Variants in RASAL2 observed in about 807,000 individuals in gnomAD.
The protein encoded by RASAL2 is RAS protein activator like 2.
Under a neutral mutation model 128.9 loss-of-function variants are expected in RASAL2, and 58 were observed. That is an observed-to-expected ratio of 0.45 (90% CI 0.36 to 0.56). RASAL2 has a LOEUF of 0.56. Among genes scored for constraint, RASAL2 ranks in the 20% least tolerant of loss-of-function variants. The pLI, the probability that RASAL2 is intolerant of heterozygous loss-of-function variation, is 0.00. For synonymous variants in RASAL2, 561 were observed against 580.8 expected (o/e 0.97, Z 0.49); for missense variants, 1,360 against 1,601.6 (o/e 0.85, Z 2.57).
rs10645696 is a variant in RASAL2, at chr1:178,145,554, C to CAAAA, written c.202+50873_202+50876dup. On this transcript the variant is annotated intron_variant, in intron 1 of 17. Transcript: ENST00000367649. The stretch of plus-strand genomic sequence containing the variant: ...GTTAGGGCCCAAATAGTGACTTTGA[C>CAAAA]AAAAAAAAAAAAAAAAGGGGGAGTA... Among the ~76,000 whole-genome samples the CAAAA allele has an allele frequency of 6.0e-3, 744 of 123,788 alleles. 19 individuals are homozygous for CAAAA. The highest frequency in any genetic ancestry group is 0.012 in the African/African-American group (384 of 32,396). The allele number at this position is 123,788 out of a possible 152,430, so 81.2% of individuals were successfully genotyped here.
chr1:178,427,057 A>G (rs1675560697), intron 5 of RASAL2, among the ~76,000 whole-genome samples: 1 of 152,174 alleles, frequency 6.6e-6, no homozygotes, highest in Non-Finnish European at 1.5e-5. Context: ...TTTAGAGGCA[A>G]AATCAATAGG....
intron 3 of RASAL2, among the ~76,000 whole-genome samples, chr1:178,326,823 G>A (rs528721778): frequency 1.3e-5 from 2 of 152,124 alleles, no homozygotes; most frequent in South Asian, 4.2e-4. Flanking sequence ...GGATTACAGG[G>A]GTGAGCCACC....
rs1402201153 is a variant in RASAL2 at position 178,094,141 on chromosome 1, G to A, written c.-352G>A. The stretch of plus-strand genomic sequence containing the variant: ...GACCGCGAGAGACGCCGGCGGGGCT[G>A]AAGAAGGCGGCTCCGAGGAGGTGGG... On this transcript the variant is annotated 5_prime_UTR_variant, in exon 1 of 18. Transcript: ENST00000367649. 2.0e-5 allele frequency: 6 copies of A among 295,556 alleles called. No individual in the cohort carries two copies. In the East Asian group the frequency reaches 2.5e-4, roughly 12 times the overall value. 18.3% of individuals were successfully genotyped at this position (295,556 alleles called of 1,614,324 possible). A position where few individuals can be genotyped will look rare whatever the true frequency, so the allele number is the denominator to read the frequency against.
chr1:178,465,163 G>C (rs984461105), intron 15 of RASAL2, among the ~76,000 whole-genome samples: 14 of 152,206 alleles, frequency 9.2e-5, no homozygotes, highest in African/African-American at 2.9e-4. Context: ...ACACAAACAT[G>C]TATGTTCCAG....
intron 1 of RASAL2, among the ~76,000 whole-genome samples, chr1:178,131,940 A>C (rs1660135604): frequency 6.6e-6 from 1 of 152,190 alleles, no homozygotes; most frequent in Non-Finnish European, 1.5e-5. Context: ...AATTCCAATT[A>C]GGCTATTCTG....
At chr1:178,208,771 A>T (rs1663151405) in intron 1 of RASAL2, among the ~76,000 whole-genome samples, 1 of 151,672 alleles carries the variant, frequency 6.6e-6, no homozygotes. Flanking sequence ...CCCTTTTGAA[A>T]CTCTTAATAA....
chr1:178,151,447 C>A (rs1022135891), intron 1 of RASAL2, among the ~76,000 whole-genome samples: 1 of 152,076 alleles, frequency 6.6e-6, no homozygotes, highest in Non-Finnish European at 1.5e-5. Context: ...AACAGAAACA[C>A]ACATTAAACA....
intron 1 of RASAL2, among the ~76,000 whole-genome samples, chr1:178,180,043 G>C (rs901953992): frequency 2.6e-5 from 4 of 152,264 alleles, no homozygotes; most frequent in East Asian, 3.9e-4. Context: ...GAATTTTTTA[G>C]AGTTTGATTA....
rs1647634208 is a variant in RASAL2 at position 178,465,943 on chromosome 1, G to T, written c.3411G>T (p.Leu1137=). The change falls in exon 16 of 18, where the codon CTG becomes CTT. Residue 1137 remains leucine (L), a synonymous_variant. Coordinates refer to ENST00000367649, the MANE Select transcript of RASAL2 (RefSeq NM_170692.4). ...AGTATGAACAAGAAATTACTAAACT[G>T]AAGGAGCGCCTGAGAGTTTCCAGCC... The part of the protein sequence containing the change: ...AEKYEQEITK[L]KERLRVSSRR... 6.4e-7 allele frequency: 1 copy of T among 1,553,614 alleles called. No individual in the cohort carries two copies. The highest frequency in any genetic ancestry group is 8.7e-7 in the Non-Finnish European group (1 of 1,147,962).
At chr1:178,389,894 C>T (rs997848077) in intron 3 of RASAL2, among the ~76,000 whole-genome samples, 1 of 152,106 alleles carries the variant, frequency 6.6e-6, no homozygotes, top group Non-Finnish European at 1.5e-5. Flanking sequence ...AACTGTCACA[C>T]TAAAGCAGAT....
chr1:178,094,576 G>T lies in RASAL2; in HGVS notation c.84G>T (p.Pro28=), dbSNP rs746225875. ...TCCCGGCGCTGGAGTCCGACTCGCC[G>T]CTGCCCCCGGAGGACCTGGACGCGG... ...EMFPALESDS[P]LPPEDLDAVV... The change falls in exon 1 of 18, where the codon CCG becomes CCT. Residue 28 remains proline (P), a synonymous_variant. Coordinates refer to ENST00000367649, the MANE Select transcript of RASAL2 (RefSeq NM_170692.4). The T allele has an allele frequency of 1.8e-5, 29 of 1,604,928 alleles. No individual in the cohort carries two copies. The highest frequency in any genetic ancestry group is 3.4e-5 in the Admixed American group (2 of 58,770).
chr1:178,244,967 A>G (rs1664703249), intron 1 of RASAL2, among the ~76,000 whole-genome samples: 1 of 152,130 alleles, frequency 6.6e-6, no homozygotes, highest in Non-Finnish European at 1.5e-5. Context: ...TTCTTTATCC[A>G]GTCTATCATT....
intron 3 of RASAL2, among the ~76,000 whole-genome samples, chr1:178,348,334 G>A (rs1277243554): frequency 1.3e-5 from 2 of 152,024 alleles, no homozygotes; most frequent in Non-Finnish European, 2.9e-5. Context: ...GTCAACCAGG[G>A]TGGAGTGCAA....
chr1:178,351,417 A>G (rs1251625120), intron 3 of RASAL2, among the ~76,000 whole-genome samples: 1 of 152,232 alleles, frequency 6.6e-6, no homozygotes, highest in Non-Finnish European at 1.5e-5. Flanking sequence ...ATGAGCCTGT[A>G]AAGTCAAACA....
At chr1:178,439,398 T>G in intron 5 of RASAL2, 24 bp from the exon 6 acceptor site, 1 of 1,590,088 alleles carries the variant, frequency 6.3e-7, no homozygotes, top group African/African-American at 1.4e-5. Context: ...TTACACTACC[T>G]TAAATATCTT....
At chr1:178,180,673 A>ACACACACACG (rs1662074641) in intron 1 of RASAL2, among the ~76,000 whole-genome samples, 1 of 151,034 alleles carries the variant, frequency 6.6e-6, no homozygotes, top group South Asian at 2.1e-4. Context: ...TCACACACAC[A>ACACACACACG]CACACACACA....
intron 1 of RASAL2, among the ~76,000 whole-genome samples, chr1:178,135,496 T>TTA (rs1413662882): frequency 8.6e-6 from 1 of 116,366 alleles, no homozygotes; most frequent in Non-Finnish European, 1.7e-5. Context: ...TGTCTCTTCA[T>TTA]AAAAAAAAAA....
intron 3 of RASAL2, among the ~76,000 whole-genome samples, chr1:178,371,333 C>A (rs1159848858): frequency 7.5e-6 from 1 of 133,536 alleles, no homozygotes; most frequent in Non-Finnish European, 1.6e-5. Context: ...CACACACACA[C>A]ACACACACAC....
chr1:178,319,961 G>A (rs1370510902), intron 3 of RASAL2, among the ~76,000 whole-genome samples: 12 of 152,158 alleles, frequency 7.9e-5, no homozygotes, highest in Non-Finnish European at 1.5e-5. Context: ...GTGATGTACA[G>A]ATGGGTTTTC....
Sources: allele counts gnomAD v4.1 joint callset (sites outside exome capture counted in the v4.1 genomes callset), GRCh38; gene constraint gnomAD v4.1.1; transcripts MANE v1.5; gene names NCBI Gene and HGNC (gene_info 2026-07-23, HGNC 2026-07-21).